TMEM232: variants seen among roughly 807,000 people sequenced by gnomAD.
TMEM232 encodes transmembrane protein 232.
In TMEM232, 80 loss-of-function variants were observed where a neutral mutation model predicts 78.8. The observed-to-expected ratio is 1.01, with a 90% CI of 0.85 to 1.22. The LOEUF (loss-of-function observed/expected upper bound fraction) is 1.22, where lower values mean the gene tolerates loss of function less well. Ranked by LOEUF, TMEM232 falls within the 50% of genes most tolerant of loss-of-function variation. TMEM232 has a pLI of 0.00. For missense variants in TMEM232, 881 were observed against 742.2 expected, an observed-to-expected ratio of 1.19 and a Z score of -2.17; for synonymous variants, 297 against 254.3, an observed-to-expected ratio of 1.17 and a Z score of -1.60.
intron 11 of TMEM232, among the ~76,000 whole-genome samples, chr5:110,535,885 A>G (rs1029524612): frequency 3.3e-5 from 5 of 152,188 alleles, no homozygotes; most frequent in African/African-American, 1.2e-4. Context: ...AATCAAAATC[A>G]AAACGCCAAC....
upstream of TMEM232, among the ~76,000 whole-genome samples, chr5:110,728,373 G>T (rs991669590): frequency 4.6e-5 from 7 of 151,786 alleles, no homozygotes; most frequent in Non-Finnish European, 7.4e-5. Flanking sequence ...TTTTAACTCA[G>T]TGGGGAAAAA....
intron 10 of TMEM232, among the ~76,000 whole-genome samples, chr5:110,594,815 C>T (rs980105449): frequency 2.6e-5 from 4 of 152,212 alleles, no homozygotes; most frequent in Admixed American, 6.5e-5. Context: ...CTCCCATCTC[C>T]CTGGGACAGA....
chr5:110,421,494 G>T lies in TMEM232; in HGVS notation c.1798-738C>A, dbSNP rs184633522. On this transcript the variant is annotated intron_variant, in intron 13 of 13. Coordinates refer to ENST00000455884, the MANE Select transcript of TMEM232 (RefSeq NM_001039763.4). ...GATGAAGGAAATGATAAAAACAGATGGTGAACACTTTATGTTGGGTAAAAC... is the reference window on the plus strand; with the variant it reads ...GATGAAGGAAATGATAAAAACAGATTGTGAACACTTTATGTTGGGTAAAAC... Among the ~76,000 whole-genome samples the T allele has an allele frequency of 4.6e-5, 7 of 151,936 alleles. No homozygotes were observed. The East Asian group carries it at 1.3e-3, about 29-fold the overall frequency.
intron 3 of TMEM232, among the ~76,000 whole-genome samples, chr5:110,391,322 T>TGAGAGAGAGAGAGAGAGA (rs1483505581): frequency 1.4e-5 from 2 of 138,112 alleles, no homozygotes; most frequent in African/African-American, 6.2e-5. Context: ...TGTGTGTGTG[T>TGAGAGAGAGAGAGAGAGA]GTGTGAGAGA....
intron 12 of TMEM232, among the ~76,000 whole-genome samples, chr5:110,443,836 C>T (rs999968224): frequency 6.6e-6 from 1 of 152,150 alleles, no homozygotes; most frequent in Non-Finnish European, 1.5e-5. Context: ...CCTTTCAAGG[C>T]AGTGGAGTGA....
chr5:110,610,513 T>C (rs1782124824), intron 8 of TMEM232: 1 of 455,256 alleles, frequency 2.2e-6, no homozygotes, highest in Non-Finnish European at 4.4e-6. Flanking sequence ...CTTGAAAAAA[T>C]GTAGACCAGC....
At chr5:110,681,485 T>C (rs1792741168) in intron 1 of TMEM232, among the ~76,000 whole-genome samples, 1 of 152,158 alleles carries the variant, frequency 6.6e-6, no homozygotes, top group South Asian at 2.1e-4. Flanking sequence ...TGCCTGAGGA[T>C]TAAGTAAGAT....
intron 2 of TMEM232, among the ~76,000 whole-genome samples, chr5:110,644,103 T>C (rs894605412): frequency 6.6e-6 from 1 of 151,950 alleles, no homozygotes; most frequent in Non-Finnish European, 1.5e-5. Flanking sequence ...AGTTGAGGTG[T>C]TACAACATAC....
At chr5:110,487,275 C>T (rs1764566075) in intron 12 of TMEM232, among the ~76,000 whole-genome samples, 1 of 151,954 alleles carries the variant, frequency 6.6e-6, no homozygotes, top group African/African-American at 2.4e-5. Context: ...GTTTGACTTC[C>T]TGTTTAGGAT....
At chr5:110,552,821 ATGTCCAGAATGGTATTCCCTAG>A (rs1274648137) in intron 11 of TMEM232, among the ~76,000 whole-genome samples, 3 of 152,164 alleles carry the variant, frequency 2.0e-5, no homozygotes, top group African/African-American at 7.2e-5. Context: ...GCCAGAGCCT[ATGTCCAGAATGGTATTCCCTAG>A]GCTTTCTGCT....
chr5:110,452,800 C>T (rs1214835552), intron 12 of TMEM232, among the ~76,000 whole-genome samples: 1 of 152,138 alleles, frequency 6.6e-6, no homozygotes, highest in African/African-American at 2.4e-5. Context: ...AATAAAAGGG[C>T]AGACTACTAA....
chr5:110,566,366 G>A (rs1196077908), intron 11 of TMEM232, among the ~76,000 whole-genome samples: 1 of 151,782 alleles, frequency 6.6e-6, no homozygotes, highest in Non-Finnish European at 1.5e-5. Context: ...TGTTACTTAT[G>A]CAAATTTCTG....
chr5:110,539,117 G>C (rs1375550463), intron 11 of TMEM232, among the ~76,000 whole-genome samples: 4 of 152,188 alleles, frequency 2.6e-5, no homozygotes, highest in African/African-American at 9.6e-5. Context: ...GATTACATTA[G>C]TAAACAGGCT....
intron 12 of TMEM232, among the ~76,000 whole-genome samples, chr5:110,441,313 T>C (rs1759015583): frequency 6.6e-6 from 1 of 152,098 alleles, no homozygotes; most frequent in Admixed American, 6.6e-5. Context: ...TTACCCATGG[T>C]TGAGAAGCAC....
intron 11 of TMEM232, among the ~76,000 whole-genome samples, chr5:110,557,466 C>G (rs1390819830): frequency 6.6e-6 from 1 of 152,150 alleles, no homozygotes; most frequent in Non-Finnish European, 1.5e-5. Context: ...CATTCTCATA[C>G]TGCTATAACG....
Position 110,592,876 on chromosome 5 carries a change from A to G in TMEM232, c.1276+12233T>C, listed in dbSNP as rs544645901. On this transcript the variant is annotated intron_variant, in intron 10 of 13. Coordinates refer to ENST00000455884, the MANE Select transcript of TMEM232 (RefSeq NM_001039763.4). ...GTAACATTGTCTGGCTGTTGACACAATGGTATTCAGAATCTCCTAGTTTAT... is the reference window on the plus strand; with the variant it reads ...GTAACATTGTCTGGCTGTTGACACAGTGGTATTCAGAATCTCCTAGTTTAT... 3.9e-5 allele frequency among the ~76,000 whole-genome samples: 6 copies of G among 152,296 alleles called. No homozygotes were observed. In the East Asian group the frequency reaches 9.7e-4, roughly 25 times the overall value.
chr5:110,442,395 G>A (rs1238537246), intron 12 of TMEM232, among the ~76,000 whole-genome samples: 1 of 151,490 alleles, frequency 6.6e-6, no homozygotes, highest in African/African-American at 2.4e-5. Context: ...TGCTTGATCA[G>A]TTCTGCTATT....
intron 12 of TMEM232, among the ~76,000 whole-genome samples, chr5:110,526,149 T>C (rs1300951208): frequency 6.6e-6 from 1 of 151,018 alleles, no homozygotes; most frequent in East Asian, 1.9e-4. Flanking sequence ...TTTTTAATCT[T>C]AGGGTGAAAA....
At chr5:110,655,660 T>C (rs1788937070) in intron 2 of TMEM232, among the ~76,000 whole-genome samples, 2 of 150,500 alleles carry the variant, frequency 1.3e-5, no homozygotes, top group Non-Finnish European at 3.0e-5. Flanking sequence ...CCAACCCAAA[T>C]GTCCAACAAT....
Sources: gnomAD v4.1 joint callset for allele counts (sites outside exome capture counted in the v4.1 genomes callset) on GRCh38, gnomAD v4.1.1 for gene constraint, MANE v1.5 for transcripts, NCBI Gene and HGNC (gene_info 2026-07-23, HGNC 2026-07-21) for gene names.